NCAM1: variants seen among roughly 807,000 people sequenced by gnomAD.
The protein encoded by NCAM1 is antigen recognized by monoclonal antibody 5.1H11.
In NCAM1, 14 loss-of-function variants were observed where a neutral mutation model predicts 109.8. The ratio of observed to expected loss-of-function variants is 0.13; its 90% CI spans 0.08 to 0.20. The LOEUF (loss-of-function observed/expected upper bound fraction) is 0.20. Ranked by LOEUF, NCAM1 falls within the 10% of genes least tolerant of loss-of-function variation. The probability of loss-of-function intolerance (pLI) is 1.00; values close to 1 mark genes in which losing one functional copy is unlikely to be tolerated. For missense variants in NCAM1, 774 were observed against 1,109.9 expected (o/e 0.70, Z 4.30); for synonymous variants, 418 against 442.9 (o/e 0.94, Z 0.70).
intron 1 of NCAM1, among the ~76,000 whole-genome samples, chr11:113,171,633 C>CGATA: frequency 6.7e-6 from 1 of 149,614 alleles, no homozygotes; most frequent in Non-Finnish European, 1.5e-5. Flanking sequence ...GACTTTGTCT[C>CGATA]AATAAATAAA....
chr11:113,225,985 A>G (rs1434412443), intron 9 of NCAM1, among the ~76,000 whole-genome samples: 1 of 152,232 alleles, frequency 6.6e-6, no homozygotes, highest in Non-Finnish European at 1.5e-5. Flanking sequence ...AACATGCCAA[A>G]TCGTAAAGAC....
At chr11:113,005,926 C>G (rs189099299) in intron 1 of NCAM1, among the ~76,000 whole-genome samples, 1 of 152,152 alleles carries the variant, frequency 6.6e-6, no homozygotes, top group Admixed American at 6.5e-5. Flanking sequence ...GTTTTCACTA[C>G]GTCTCCAGTG....
chr11:112,974,534 T>C lies in NCAM1; in HGVS notation c.52+12870T>C, dbSNP rs75208745. On this transcript the variant is annotated intron_variant, in intron 1 of 19. Transcript: ENST00000316851. ...TTTTGGACTGATTGACTTAAGAGAA[T>C]CCAAAATTTTGCAGCAGGCACGGTA... Among the ~76,000 whole-genome samples the C allele has an allele frequency of 6.0e-3, 920 of 152,098 alleles. 51 individuals carry two copies. The East Asian group carries it at 0.15, about 24-fold the overall frequency.
chr11:113,224,918 C>T (rs1163062896), intron 9 of NCAM1, among the ~76,000 whole-genome samples: 1 of 152,162 alleles, frequency 6.6e-6, no homozygotes, highest in Non-Finnish European at 1.5e-5. Context: ...ACATCCACAC[C>T]AAAACCCCAT....
intron 1 of NCAM1, among the ~76,000 whole-genome samples, chr11:113,156,947 G>A (rs1191870555): frequency 6.6e-6 from 1 of 152,198 alleles, no homozygotes; most frequent in Admixed American, 6.5e-5. Flanking sequence ...CGTTAGACCT[G>A]TAGGTGATGG....
At chr11:113,009,988 G>A (rs1555074081) in intron 1 of NCAM1, among the ~76,000 whole-genome samples, 1 of 151,234 alleles carries the variant, frequency 6.6e-6, no homozygotes, top group East Asian at 1.9e-4. Context: ...AGGCTAAGAA[G>A]TACTGAAACT....
chr11:113,021,334 G>A (rs1255837498), intron 1 of NCAM1, among the ~76,000 whole-genome samples: 1 of 152,182 alleles, frequency 6.6e-6, no homozygotes, highest in Non-Finnish European at 1.5e-5. Flanking sequence ...GGAATCAGTT[G>A]TTAGGACTGC....
chr11:113,207,192 T>C, intron 5 of NCAM1, 69 bp from the exon 6 acceptor site: 1 of 1,233,480 alleles, frequency 8.1e-7, no homozygotes, highest in South Asian at 1.3e-5. Flanking sequence ...TGGAGTGGTG[T>C]CTCTTCTCCA....
At chr11:112,983,330 T>C (rs10736463) in intron 1 of NCAM1, among the ~76,000 whole-genome samples, 68,406 of 151,690 alleles carry the variant, frequency 0.45, 16,299 homozygotes, top group East Asian at 0.8. Context: ...AATGAAATTA[T>C]ATTCCAGGAT....
chr11:113,178,455 G>T (rs574253973), intron 1 of NCAM1, among the ~76,000 whole-genome samples: 6 of 152,316 alleles, frequency 3.9e-5, no homozygotes, highest in African/African-American at 9.6e-5. Context: ...TTGATGAAAC[G>T]TGGTGGCACA....
intron 1 of NCAM1, among the ~76,000 whole-genome samples, chr11:113,039,657 A>C (rs1335491230): frequency 6.6e-6 from 1 of 152,204 alleles, no homozygotes; most frequent in Non-Finnish European, 1.5e-5. Context: ...AATTTTCAGA[A>C]TATTATTTGT....
rs1016362482 is a variant in NCAM1 at position 113,184,637 on chromosome 11, T to G, written c.53-17742T>G. 1.1e-3 allele frequency among the ~76,000 whole-genome samples: 173 copies of G among 152,224 alleles called. 6 individuals are homozygous for G. Among genetic ancestry groups the G allele is most frequent in the Non-Finnish European group, 3.7e-4 (25 of 68,038 alleles). On this transcript the variant is annotated intron_variant, in intron 1 of 19. Coordinates refer to ENST00000316851, the MANE Select transcript of NCAM1 (RefSeq NM_181351.5). The stretch of plus-strand genomic sequence containing the variant: ...ATCCGCTCTGAGCCTCTAGAATGCT[T>G]CTCACACTATATCCTCCTAGTGACT...
intron 1 of NCAM1, among the ~76,000 whole-genome samples, chr11:113,064,878 G>A (rs1335615162): frequency 6.6e-6 from 1 of 152,112 alleles, no homozygotes; most frequent in African/African-American, 2.4e-5. Context: ...GTTTCATATA[G>A]AATATTTATA....
At chr11:112,994,034 ATCT>A (rs1951531509) in intron 1 of NCAM1, among the ~76,000 whole-genome samples, 1 of 152,150 alleles carries the variant, frequency 6.6e-6, no homozygotes, top group African/African-American at 2.4e-5. Context: ...CCTTTCATTG[ATCT>A]TCTTGCCTGA....
At chr11:113,248,430 C>A (rs1038728458) in intron 15 of NCAM1, among the ~76,000 whole-genome samples, 10 of 152,108 alleles carry the variant, frequency 6.6e-5, no homozygotes, top group African/African-American at 2.4e-4. Context: ...GAGGTCAGGG[C>A]CAATAAAATC....
At chr11:113,271,369 CAAAAAAAAAAAAAA>C (rs71060298) in intron 18 of NCAM1, among the ~76,000 whole-genome samples, 8 of 66,880 alleles carry the variant, frequency 1.2e-4, no homozygotes, top group African/African-American at 3.2e-4. Flanking sequence ...GACTCTGTCT[CAAAAAAAAAAAAAA>C]AAAAAAAAAA....
intron 1 of NCAM1, among the ~76,000 whole-genome samples, chr11:113,189,710 G>A (rs1261627641): frequency 6.6e-5 from 10 of 152,256 alleles, no homozygotes; most frequent in African/African-American, 1.4e-4. Flanking sequence ...CACAGACTGG[G>A]ATTCAAAGGC....
intron 1 of NCAM1, among the ~76,000 whole-genome samples, chr11:113,011,574 C>T (rs1202993673): frequency 6.6e-6 from 1 of 152,074 alleles, no homozygotes; most frequent in East Asian, 1.9e-4. Context: ...TTTACAGTCC[C>T]ACCAACAGTG....
intron 9 of NCAM1, among the ~76,000 whole-genome samples, chr11:113,226,281 C>G (rs1294872682): frequency 6.6e-6 from 1 of 152,116 alleles, no homozygotes; most frequent in African/African-American, 2.4e-5. Flanking sequence ...GGTTGCAACC[C>G]TAGTCTCTGA....
Sources: allele counts gnomAD v4.1 joint callset (sites outside exome capture counted in the v4.1 genomes callset), GRCh38; gene constraint gnomAD v4.1.1; transcripts MANE v1.5; gene names NCBI Gene and HGNC (gene_info 2026-07-23, HGNC 2026-07-21).